AP3B1: variants seen among roughly 807,000 people sequenced by gnomAD.
The protein encoded by AP3B1 is AP-3 complex subunit beta-1.
AP3B1 carries 61 observed loss-of-function variants against 132.5 expected under a neutral mutation model. The observed-to-expected ratio is 0.46, with a 90% CI of 0.37 to 0.57. The LOEUF is 0.57. AP3B1 is among the 20% of genes least tolerant of loss of function. AP3B1 has a pLI of 0.00. For missense variants in AP3B1, 1,120 were observed against 1,289.4 expected (o/e 0.87, Z 2.01); for synonymous variants, 388 against 438.3 (o/e 0.89, Z 1.43).
intron 1 of AP3B1, among the ~76,000 whole-genome samples, chr5:78,294,016 A>C (rs1749644074): frequency 1.3e-5 from 2 of 152,124 alleles, no homozygotes. Flanking sequence ...GTCACAAAAT[A>C]ACTTCCCACA....
intron 22 of AP3B1, among the ~76,000 whole-genome samples, chr5:78,058,102 T>C (rs551938250): frequency 6.6e-6 from 1 of 152,340 alleles, no homozygotes; most frequent in African/African-American, 2.4e-5. Context: ...TGTAATTATA[T>C]TTGATGGTAA....
At chr5:78,231,623 GAAC>G (rs1343974076) in intron 3 of AP3B1, among the ~76,000 whole-genome samples, 1 of 151,960 alleles carries the variant, frequency 6.6e-6, no homozygotes, top group Non-Finnish European at 1.5e-5. Context: ...ACAAAGGAAA[GAAC>G]AACAACAAAC....
intron 6 of AP3B1, among the ~76,000 whole-genome samples, chr5:78,220,324 A>C (rs182564462): frequency 5.9e-5 from 9 of 152,012 alleles, no homozygotes; most frequent in Admixed American, 4.6e-4. Context: ...CCAAAAAAAA[A>C]AACAACAAGG....
At chr5:78,259,768 G>A (rs907416170) in intron 2 of AP3B1, among the ~76,000 whole-genome samples, 2 of 152,110 alleles carry the variant, frequency 1.3e-5, no homozygotes, top group Non-Finnish European at 2.9e-5. Flanking sequence ...AGGAGTTGGA[G>A]ACCAGCCTGG....
chr5:78,240,753 A>G, intron 3 of AP3B1, 109 bp downstream of exon 3: 1 of 761,500 alleles, frequency 1.3e-6, no homozygotes. Context: ...TTTAATCATA[A>G]CAAAAATCTA....
At chr5:78,116,785 C>T (rs569546695) in intron 17 of AP3B1, among the ~76,000 whole-genome samples, 57 of 152,264 alleles carry the variant, frequency 3.7e-4, no homozygotes, top group Non-Finnish European at 6.8e-4. Context: ...ACCCTTCTCT[C>T]CTGGACTACT....
At chr5:78,044,099 TTCCAGC>T in intron 22 of AP3B1, 1 of 326,340 alleles carries the variant, frequency 3.1e-6, no homozygotes, top group Non-Finnish European at 6.0e-6. Context: ...AAAGGCAAGT[TTCCAGC>T]TCCTCCGCTC....
intron 1 of AP3B1, 23 bp downstream of exon 1, chr5:78,294,429 G>A (rs1027456567): frequency 1.2e-6 from 2 of 1,613,680 alleles, no homozygotes; most frequent in East Asian, 2.2e-5. Context: ...TCCCATCCCC[G>A]CAACCCAAAC....
chr5:78,148,367 C>T (rs1753504312), intron 14 of AP3B1, among the ~76,000 whole-genome samples: 2 of 152,164 alleles, frequency 1.3e-5, no homozygotes. Context: ...TACTTCTCTA[C>T]CATTACCTGT....
chr5:78,156,460 T>C, intron 13 of AP3B1, 93 bp from the exon 14 acceptor site: 1 of 945,678 alleles, frequency 1.1e-6, no homozygotes, highest in South Asian at 1.4e-5. Context: ...TAGAAAAACA[T>C]TCTATTTAAT....
chr5:78,018,096 A>G (rs1746930557), intron 25 of AP3B1, among the ~76,000 whole-genome samples: 1 of 152,022 alleles, frequency 6.6e-6, no homozygotes, highest in Non-Finnish European at 1.5e-5. Flanking sequence ...CGTACTCTTG[A>G]AATTAAAACT....
intron 21 of AP3B1, among the ~76,000 whole-genome samples, chr5:78,097,490 C>T (rs1750904406): frequency 7.7e-6 from 1 of 129,390 alleles, no homozygotes; most frequent in African/African-American, 3.0e-5. Flanking sequence ...CGGCCAGCCG[C>T]CCCGTCCGGG....
rs116040157 is a variant in AP3B1 at position 78,114,912 on chromosome 5, T to C, written c.2078-989A>G. ...GCCAGTTGTAAAACTGAACAAGTTA[T>C]TCAACTTCTCTGGGTTTTGGTTTCC... On this transcript the variant is annotated intron_variant, in intron 18 of 26. Coordinates refer to ENST00000255194, the MANE Select transcript of AP3B1 (RefSeq NM_003664.5). 7.8e-3 allele frequency among the ~76,000 whole-genome samples: 1,195 copies of C among 152,330 alleles called. 5 individuals carry two copies. The highest frequency in any genetic ancestry group is 0.012 in the Non-Finnish European group (828 of 68,014).
At chr5:78,091,947 T>C (rs1750534278) in intron 21 of AP3B1, among the ~76,000 whole-genome samples, 1 of 152,142 alleles carries the variant, frequency 6.6e-6, no homozygotes, top group African/African-American at 2.4e-5. Flanking sequence ...TTGAAGACAC[T>C]GGAAACTGAG....
At chr5:78,192,609 T>C (rs1744889537) in intron 7 of AP3B1, among the ~76,000 whole-genome samples, 1 of 152,106 alleles carries the variant, frequency 6.6e-6, no homozygotes, top group South Asian at 2.1e-4. Flanking sequence ...GCCACTGCAC[T>C]CCAGCCTGGG....
chr5:78,147,476 AT>A (rs1198438343), intron 14 of AP3B1, among the ~76,000 whole-genome samples: 1 of 152,078 alleles, frequency 6.6e-6, no homozygotes, highest in Non-Finnish European at 1.5e-5. Flanking sequence ...GATGAGAAAT[AT>A]TTGATTTTAT....
intron 17 of AP3B1, among the ~76,000 whole-genome samples, chr5:78,126,566 C>T (rs1315003718): frequency 7.2e-6 from 1 of 138,638 alleles, no homozygotes; most frequent in African/African-American, 2.7e-5. Context: ...TTGAAGAGTA[C>T]TTAAGAGTAT....
chr5:78,283,279 G>A (rs1307066225), intron 1 of AP3B1, among the ~76,000 whole-genome samples: 1 of 152,032 alleles, frequency 6.6e-6, no homozygotes, highest in Non-Finnish European at 1.5e-5. Context: ...TTCCAGAGTG[G>A]GTGTGTCTAA....
At chr5:78,293,122 G>A (rs1749605891) in intron 1 of AP3B1, among the ~76,000 whole-genome samples, 2 of 152,026 alleles carry the variant, frequency 1.3e-5, no homozygotes, top group South Asian at 2.1e-4. Context: ...CAAGCGATCC[G>A]CCCACCTCAC....
Sources: allele counts gnomAD v4.1 joint callset (sites outside exome capture counted in the v4.1 genomes callset), GRCh38; gene constraint gnomAD v4.1.1; transcripts MANE v1.5; gene names NCBI Gene and HGNC (gene_info 2026-07-23, HGNC 2026-07-21).